The following ZNF423 variants were observed in gnomAD, a reference collection of about 807,000 sequenced individuals.
ZNF423 encodes the protein zinc finger protein 423, also known as Ebf-associated zinc finger protein.
Under a neutral mutation model 95.8 loss-of-function variants are expected in ZNF423, and 12 were observed. That is an observed-to-expected ratio of 0.13 (90% CI 0.08 to 0.20). The LOEUF (loss-of-function observed/expected upper bound fraction) is 0.20. Among genes scored for constraint, ZNF423 ranks in the 10% least tolerant of loss-of-function variants. The pLI, the probability that ZNF423 is intolerant of heterozygous loss-of-function variation, is 1.00. For missense variants in ZNF423, 1,316 were observed against 1,737.1 expected (o/e 0.76, Z 4.31); for synonymous variants, 749 against 711.9 (o/e 1.05, Z -0.83).
chr16:49,856,736 G>C (rs1050626877), upstream of ZNF423, among the ~76,000 whole-genome samples: 248 of 147,920 alleles, frequency 1.7e-3, no homozygotes, highest in African/African-American at 4.3e-3. Context: ...CGTGCCCCGG[G>C]CATCGCTCAG....
chr16:49,594,644 A>G (rs929397580), intron 5 of ZNF423, among the ~76,000 whole-genome samples: 2 of 152,242 alleles, frequency 1.3e-5, no homozygotes, highest in Non-Finnish European at 2.9e-5. Context: ...CACAAAGCAC[A>G]GAAAGAAGCA....
intron 2 of ZNF423, among the ~76,000 whole-genome samples, chr16:49,750,526 A>G (rs1285154903): frequency 1.3e-5 from 2 of 152,164 alleles, no homozygotes; most frequent in Non-Finnish European, 2.9e-5. Context: ...CAGAGCCCCC[A>G]GGGTCAGCCA....
At chr16:49,617,401 A>T (rs1043414994) in intron 5 of ZNF423, among the ~76,000 whole-genome samples, 1 of 152,236 alleles carries the variant, frequency 6.6e-6, no homozygotes, top group Non-Finnish European at 1.5e-5. Flanking sequence ...CCCATGCATC[A>T]GCTGCTGCCA....
At chr16:49,848,101 C>T (rs2035264657) in intron 1 of ZNF423, among the ~76,000 whole-genome samples, 1 of 151,504 alleles carries the variant, frequency 6.6e-6, no homozygotes, top group Admixed American at 6.6e-5. Context: ...AAGATCCTGT[C>T]TGTAAAAAAA....
In ZNF423 at chr16:49,623,927, G is replaced by C. The variant is rs908966802; in HGVS notation, c.3601+2243C>G. 9.2e-5 allele frequency among the ~76,000 whole-genome samples: 14 copies of C among 152,200 alleles called. 1 individual carries two copies. Among genetic ancestry groups the C allele is most frequent in the African/African-American group, 2.9e-4 (12 of 41,454 alleles). On this transcript the variant is annotated intron_variant, in intron 5 of 7. Transcript: ENST00000563137. ...CTGCCCTGAGAGCACCTTCACTAAA[G>C]AAGGGCCTTTGCAATGCAAACCTTA... is the stretch of plus-strand genomic sequence containing the variant.
chr16:49,638,080 C>G lies in ZNF423; in HGVS notation c.1096G>C (p.Asp366His). The G allele has an allele frequency of 3.1e-6, 5 of 1,613,720 alleles. No homozygotes were observed. The highest frequency in any genetic ancestry group is 4.2e-6 in the Non-Finnish European group (5 of 1,179,932). Residue 366 changes from aspartate to histidine, a missense_variant, in exon 4 of 8, where the codon GAC (aspartate) becomes CAC (histidine). By Grantham distance (81) the Asp-to-His change is moderately conservative. Transcript: ENST00000563137. This position sits in a 1 kb window ranked among gnomAD's most constrained non-coding sequence, Gnocchi z 5.6. The part of the protein sequence containing the change: ...PDSSNHSVSP[D>H]PVLGSVASMS... ...GAGGCCACGCTGCCCAGTACAGGGT[C>G]GGGACTGACACTGTGGTTGCTGGAG...
upstream of ZNF423, among the ~76,000 whole-genome samples, chr16:49,858,724 C>CG (rs947351018): frequency 2.1e-5 from 3 of 142,968 alleles, no homozygotes; most frequent in Non-Finnish European, 4.8e-5. This position sits in a 1 kb window ranked among gnomAD's most constrained non-coding sequence, Gnocchi z 4.3. Context: ...GGAGCCCCCC[C>CG]CCCCACGCCC....
chr16:49,577,939 T>C (rs1047681846), intron 5 of ZNF423, among the ~76,000 whole-genome samples: 1 of 152,202 alleles, frequency 6.6e-6, no homozygotes. Context: ...TAAAGGCCAG[T>C]GCCTGCTTGA....
chr16:49,785,050 A>AT (rs1362407260), intron 2 of ZNF423, among the ~76,000 whole-genome samples: 1 of 151,218 alleles, frequency 6.6e-6, no homozygotes, highest in South Asian at 2.1e-4. Flanking sequence ...CTTTTTTATT[A>AT]TTTTTTTCTT....
intron 5 of ZNF423, among the ~76,000 whole-genome samples, chr16:49,597,291 T>A (rs981863295): frequency 6.6e-5 from 10 of 152,280 alleles, no homozygotes; most frequent in Admixed American, 1.3e-4. Flanking sequence ...CTATCCTATC[T>A]ACTCCAGTTG....
At chr16:49,732,984 T>C (rs765819193) in intron 2 of ZNF423, among the ~76,000 whole-genome samples, 3 of 152,250 alleles carry the variant, frequency 2.0e-5, no homozygotes, top group Non-Finnish European at 4.4e-5. Flanking sequence ...TTTTAGGTTC[T>C]TTTATTATCA....
chr16:49,639,887 C>G (rs896459415), intron 3 of ZNF423, among the ~76,000 whole-genome samples: 4 of 152,208 alleles, frequency 2.6e-5, no homozygotes, highest in Non-Finnish European at 4.4e-5. Context: ...AAAACAAAGG[C>G]ACACAGGACA....
In ZNF423 at chr16:49,615,679, C is replaced by T. The variant is rs148395381; in HGVS notation, c.3601+10491G>A. Reference sequence around the variant, plus strand: ...GTCTAAAGAGCAGATGCTGGAGTCTCGGTAACAGGGGGCCTGGCAGCCTGA... The same window carrying T: ...GTCTAAAGAGCAGATGCTGGAGTCTTGGTAACAGGGGGCCTGGCAGCCTGA... On this transcript the variant is annotated intron_variant, in intron 5 of 7. Transcript: ENST00000563137. Among the ~76,000 whole-genome samples, 176 of 152,210 alleles carry T rather than the reference C, an allele frequency of 1.2e-3. 1 individual carries two copies. The highest frequency in any genetic ancestry group is 1.5e-3 in the Non-Finnish European group (100 of 68,006).
intron 2 of ZNF423, among the ~76,000 whole-genome samples, chr16:49,763,147 C>T (rs888303135): frequency 1.5e-4 from 23 of 152,274 alleles, no homozygotes; most frequent in African/African-American, 5.3e-4. Flanking sequence ...GGATTACAGG[C>T]GTGAGTCACT....
At chr16:49,771,954 G>A (rs1174111740) in intron 2 of ZNF423, among the ~76,000 whole-genome samples, 1 of 152,200 alleles carries the variant, frequency 6.6e-6, no homozygotes, top group Non-Finnish European at 1.5e-5. Flanking sequence ...TGGATATATG[G>A]AGAAGTGTTA....
intron 3 of ZNF423, among the ~76,000 whole-genome samples, chr16:49,726,191 A>C (rs1417809082): frequency 6.6e-6 from 1 of 152,186 alleles, no homozygotes; most frequent in African/African-American, 2.4e-5. Flanking sequence ...TCAGGTCTCA[A>C]GCATGACAGC....
At chr16:49,500,769 G>A (rs183147102) in intron 7 of ZNF423, among the ~76,000 whole-genome samples, 32 of 152,022 alleles carry the variant, frequency 2.1e-4, no homozygotes, top group African/African-American at 7.5e-4. Context: ...TTAGGTGGGT[G>A]TGGTGGCGTG....
chr16:49,689,690 G>A (rs2031706801), intron 3 of ZNF423, among the ~76,000 whole-genome samples: 1 of 152,108 alleles, frequency 6.6e-6, no homozygotes, highest in Non-Finnish European at 1.5e-5. Flanking sequence ...CACCCCGGGG[G>A]CCCCAAAGGC....
Position 49,638,697 on chromosome 16 carries a change from T to C in ZNF423, c.479A>G (p.Tyr160Cys). The C allele has an allele frequency of 6.2e-7, 1 of 1,614,140 alleles. No homozygotes were observed. The highest frequency in any genetic ancestry group is 8.5e-7 in the Non-Finnish European group (1 of 1,180,046). Residue 160 changes from tyrosine to cysteine, a missense_variant, in exon 4 of 8, where the codon TAC becomes TGC. Tyr to Cys is a radical substitution (Grantham distance 194, BLOSUM62 -2). This residue lies in a region of ZNF423 where 58 missense variants were observed against 116.9 expected (regional missense o/e 0.50). Coordinates refer to ENST00000563137, the MANE Select transcript of ZNF423 (RefSeq NM_001379286.1). The surrounding 1 kb of genome is among the most constrained non-coding windows in gnomAD (Gnocchi z 5.6). Reference protein sequence around the residue: ...FCDKSFIRLSYLKRHEQIHSD... With the variant: ...FCDKSFIRLSCLKRHEQIHSD... ...GTGGATCTGCTCGTGCCTCTTCAAGTAGCTCAAGCGGATGAAGGACTTGTC... is the reference window on the plus strand; with the variant it reads ...GTGGATCTGCTCGTGCCTCTTCAAGCAGCTCAAGCGGATGAAGGACTTGTC...
Sources: allele counts gnomAD v4.1 joint callset (sites outside exome capture counted in the v4.1 genomes callset), GRCh38; gene constraint gnomAD v4.1.1; regional missense constraint gnomAD v4.1.1; non-coding constraint Gnocchi (gnomAD v3.1); transcripts MANE v1.5; gene names NCBI Gene and HGNC (gene_info 2026-07-23, HGNC 2026-07-21).